The following NPFFR2 variants were observed in gnomAD, a reference collection of about 807,000 sequenced individuals.
NPFFR2 encodes G-protein coupled receptor 74.
Under a neutral mutation model 13.1 loss-of-function variants are expected in NPFFR2, and 15 were observed. That is an observed-to-expected ratio of 1.15 (90% confidence interval 0.77 to 1.76). The LOEUF (loss-of-function observed/expected upper bound fraction) is 1.76. NPFFR2 is among the 40% of genes most tolerant of loss of function. NPFFR2 has a pLI of 0.00. For synonymous variants in NPFFR2, 190 were observed against 175.7 expected (o/e 1.08, Z -0.65); for missense variants, 572 against 503.5 (o/e 1.14, Z -1.30).
chr4:72,032,299 G>A (rs1429007768), intron 1 of NPFFR2, 99 bp downstream of exon 1: 14 of 1,293,630 alleles, frequency 1.1e-5, no homozygotes, highest in Non-Finnish European at 6.3e-6. Context: ...TAGCGATTGT[G>A]GACCGACACC....
intron 1 of NPFFR2, among the ~76,000 whole-genome samples, chr4:72,121,865 A>G (rs1721891330): frequency 6.6e-6 from 1 of 152,258 alleles, no homozygotes; most frequent in African/African-American, 2.4e-5. Context: ...ATTACCAGCT[A>G]GCATCATAAT....
chr4:72,047,769 T>G (rs1719419470), intron 1 of NPFFR2, among the ~76,000 whole-genome samples: 1 of 152,106 alleles, frequency 6.6e-6, no homozygotes, highest in African/African-American at 2.4e-5. Flanking sequence ...AATAGTTGGG[T>G]CTTACAGAGT....
Position 72,147,064 on chromosome 4 carries a change from T to C in NPFFR2, c.515T>C (p.Ile172Thr). ...ATTATGATCATCTGGGTCCTAGCCA[T>C]CACCATTATGTCTCCATCTGCAGTA... ...VIIMIIWVLA[I>T]TIMSPSAVML... The change falls in exon 4 of 4, where the codon ATC becomes ACC. Residue 172 changes from isoleucine to threonine, a missense_variant. Transcript: ENST00000308744. 1.2e-6 allele frequency: 2 copies of C among 1,614,146 alleles called. No individual in the cohort carries two copies. The highest frequency in any genetic ancestry group is 1.7e-6 in the Non-Finnish European group (2 of 1,180,016).
At chr4:72,086,440 A>G (rs1720773166) in intron 1 of NPFFR2, among the ~76,000 whole-genome samples, 4 of 152,094 alleles carry the variant, frequency 2.6e-5, no homozygotes, top group Admixed American at 2.6e-4. Context: ...TTTGCCACCT[A>G]TAGTGCTCTA....
chr4:72,042,462 C>T (rs1257609589), intron 1 of NPFFR2, among the ~76,000 whole-genome samples: 4 of 152,228 alleles, frequency 2.6e-5, no homozygotes. Flanking sequence ...AAGTAATTGG[C>T]AGAGGTTGGA....
intron 1 of NPFFR2, among the ~76,000 whole-genome samples, chr4:72,102,726 A>C (rs1230716665): frequency 6.6e-6 from 1 of 151,980 alleles, no homozygotes; most frequent in Non-Finnish European, 1.5e-5. Flanking sequence ...GCTGCATAGT[A>C]TTCCATGGTG....
rs1719539610 is a variant in NPFFR2 at position 72,050,872 on chromosome 4, T to C, written c.-8+18672T>C. 2.0e-5 allele frequency among the ~76,000 whole-genome samples: 3 copies of C among 151,750 alleles called. No homozygotes were observed. The South Asian group carries it at 6.3e-4, about 32-fold the overall frequency. On this transcript the variant is annotated intron_variant, in intron 1 of 3. Coordinates refer to ENST00000308744, the MANE Select transcript of NPFFR2 (RefSeq NM_004885.3). ...AGTGAGAATATGCGGTGTTTGGTTT[T>C]TGTTCTTGCGATAGTTTACTGAGAA...
At chr4:72,119,883 T>C (rs1578467814) in intron 1 of NPFFR2, among the ~76,000 whole-genome samples, 1 of 152,156 alleles carries the variant, frequency 6.6e-6, no homozygotes, top group Middle Eastern at 3.4e-3. Flanking sequence ...AGCTGCAGTT[T>C]TTCTTTTTTT....
At chr4:72,066,283 G>A (rs1333720599) in intron 1 of NPFFR2, among the ~76,000 whole-genome samples, 4 of 152,036 alleles carry the variant, frequency 2.6e-5, no homozygotes, top group African/African-American at 9.7e-5. Context: ...TAATGAAGAA[G>A]GATCCCTCAT....
At chr4:72,070,307 C>G (rs1299057421) in intron 1 of NPFFR2, among the ~76,000 whole-genome samples, 1 of 152,112 alleles carries the variant, frequency 6.6e-6, no homozygotes, top group African/African-American at 2.4e-5. Context: ...TGGCCTTTGG[C>G]CCCTCACTTC....
At chr4:72,139,259 T>C (rs1722519538) in intron 3 of NPFFR2, among the ~76,000 whole-genome samples, 1 of 152,250 alleles carries the variant, frequency 6.6e-6, no homozygotes, top group Non-Finnish European at 1.5e-5. Context: ...ATTCTTTAGC[T>C]TAATTAGATC....
intron 1 of NPFFR2, among the ~76,000 whole-genome samples, chr4:72,109,509 G>C (rs1168620704): frequency 1.3e-5 from 2 of 151,970 alleles, no homozygotes; most frequent in Non-Finnish European, 2.9e-5. Flanking sequence ...ACTGTGGGGT[G>C]CAGTTTCTTA....
chr4:72,133,763 G>A (rs567245749), intron 2 of NPFFR2, among the ~76,000 whole-genome samples: 11 of 152,254 alleles, frequency 7.2e-5, no homozygotes, highest in African/African-American at 2.2e-4. Flanking sequence ...TATTCTGTTT[G>A]TGGAAATTTT....
chr4:72,037,297 T>C (rs1719064553), intron 1 of NPFFR2, among the ~76,000 whole-genome samples: 2 of 150,878 alleles, frequency 1.3e-5, no homozygotes, highest in South Asian at 4.2e-4. Flanking sequence ...ACTCGGGAAG[T>C]TAAGGTTAAG....
intron 1 of NPFFR2, among the ~76,000 whole-genome samples, chr4:72,089,255 A>AT (rs1458780044): frequency 6.6e-6 from 1 of 151,932 alleles, no homozygotes; most frequent in Non-Finnish European, 1.5e-5. Flanking sequence ...CTGGTTCCAT[A>AT]TTTTTGCAAT....
chr4:72,093,575 C>T (rs1720969817), intron 1 of NPFFR2, among the ~76,000 whole-genome samples: 1 of 151,908 alleles, frequency 6.6e-6, no homozygotes, highest in Admixed American at 6.6e-5. Flanking sequence ...ATTCAAAAGC[C>T]TGGTGTTTGA....
intron 1 of NPFFR2, among the ~76,000 whole-genome samples, chr4:72,058,502 TATAAGCTG>T (rs1032674748): frequency 6.6e-5 from 10 of 151,992 alleles, no homozygotes; most frequent in African/African-American, 2.4e-4. Flanking sequence ...TTTTAATGCA[TATAAGCTG>T]GTCCCTGGCA....
At chr4:72,123,760 A>G (rs559124707) in intron 1 of NPFFR2, among the ~76,000 whole-genome samples, 29 of 152,344 alleles carry the variant, frequency 1.9e-4, no homozygotes, top group African/African-American at 7.0e-4. Flanking sequence ...GATGGAATGT[A>G]TCTTAAAATA....
chr4:72,099,356 A>C (rs1050220542), intron 1 of NPFFR2, among the ~76,000 whole-genome samples: 2 of 152,166 alleles, frequency 1.3e-5, no homozygotes, highest in Non-Finnish European at 2.9e-5. Flanking sequence ...TGGTGACACC[A>C]ATAGAACCAT....
Sources: allele counts gnomAD v4.1 joint callset (sites outside exome capture counted in the v4.1 genomes callset), GRCh38; gene constraint gnomAD v4.1.1; transcripts MANE v1.5; gene names NCBI Gene and HGNC (gene_info 2026-07-23, HGNC 2026-07-21).